The following PIP4K2C variants were observed in gnomAD, a reference collection of about 807,000 sequenced individuals.
The protein encoded by PIP4K2C is phosphatidylinositol 5-phosphate 4-kinase type-2 gamma.
In PIP4K2C, 21 loss-of-function variants were observed where a neutral mutation model predicts 45.0. The ratio of observed to expected loss-of-function variants is 0.47; its 90% CI spans 0.33 to 0.67. The LOEUF is 0.67. Ranked by LOEUF, PIP4K2C falls within the 30% of genes least tolerant of loss-of-function variation. PIP4K2C has a pLI of 0.02. For missense variants in PIP4K2C, 456 were observed against 542.8 expected (o/e 0.84, Z 1.59); for synonymous variants, 201 against 204.8 (o/e 0.98, Z 0.16).
At chr12:57,598,413 C>T (rs1445276919) in intron 4 of PIP4K2C, among the ~76,000 whole-genome samples, 1 of 151,042 alleles carries the variant, frequency 6.6e-6, no homozygotes, top group Non-Finnish European at 1.5e-5. Flanking sequence ...CCCAGCTACT[C>T]GGGAGGCTGA....
At chr12:57,594,413 TTC>T (rs1396975627) in intron 2 of PIP4K2C, among the ~76,000 whole-genome samples, 4 of 152,170 alleles carry the variant, frequency 2.6e-5, no homozygotes, top group Non-Finnish European at 5.9e-5. Context: ...AACCATTAGC[TTC>T]TGACAGGGAC....
At chr12:57,597,923 T>G (rs1255223335) in intron 4 of PIP4K2C, 1 of 152,052 alleles carries the variant, frequency 6.6e-6, no homozygotes, top group Non-Finnish European at 1.5e-5. Flanking sequence ...TGGGGGAGAT[T>G]TCAGAGGAGA....
rs1883333508 is a variant in PIP4K2C at position 57,599,456 on chromosome 12, T to A, written c.699+18T>A. On this transcript the variant is annotated intron_variant, in intron 6 of 9. Coordinates refer to ENST00000354947, the MANE Select transcript of PIP4K2C (RefSeq NM_024779.5). ...AGGAAAAGGTGATAGTAATTTTATGTGCTAGGGTGAGGGATGAGGGATGAG... is the reference window on the plus strand; with the variant it reads ...AGGAAAAGGTGATAGTAATTTTATGAGCTAGGGTGAGGGATGAGGGATGAG... 2 of 1,613,926 alleles carry A rather than the reference T, an allele frequency of 1.2e-6. No homozygotes were observed. The highest frequency in any genetic ancestry group is 1.7e-6 in the Non-Finnish European group (2 of 1,179,976).
chr12:57,600,048 CAAAAAAAAAAA>C (rs56278212), intron 6 of PIP4K2C, among the ~76,000 whole-genome samples: 8 of 139,542 alleles, frequency 5.7e-5, no homozygotes, highest in South Asian at 2.1e-4. Context: ...GATCCTATCT[CAAAAAAAAAAA>C]AAAAAAAAAA....
At chr12:57,596,575 A>G (rs1284184) in intron 4 of PIP4K2C, among the ~76,000 whole-genome samples, 139,594 of 152,026 alleles carry the variant, frequency 0.92, 65,251 homozygotes, top group East Asian at 1. Context: ...CTTCTTGAAC[A>G]TCTCTACTGA....
intron 4 of PIP4K2C, among the ~76,000 whole-genome samples, chr12:57,598,767 T>C (rs1883299964): frequency 1.3e-5 from 2 of 152,096 alleles, no homozygotes; most frequent in South Asian, 4.1e-4. Flanking sequence ...AGAAAGGGTC[T>C]AAAATAAGGA....
Position 57,594,082 on chromosome 12 carries a change from G to A in PIP4K2C, c.232G>A (p.Ala78Thr). Reference sequence around the variant, plus strand: ...GATGCTGCTGCCAGATGACTTTAAGGCCAGCTCCAAGATCAAGGTCAACAA... The same window carrying A: ...GATGCTGCTGCCAGATGACTTTAAGACCAGCTCCAAGATCAAGGTCAACAA... ...PVMLLPDDFK[A>T]SSKIKVNNHL... Residue 78 changes from alanine (A) to threonine (T), a missense_variant, in exon 2 of 10, where the codon GCC becomes ACC. Ala to Thr is a moderately conservative substitution (Grantham distance 58). Transcript: ENST00000354947. The A allele has an allele frequency of 6.2e-7, 1 of 1,613,928 alleles. No homozygotes were observed.
chr12:57,601,670 G>A lies in PIP4K2C; in HGVS notation c.*64G>A. 1 of 1,393,310 alleles carries A rather than the reference G, an allele frequency of 7.2e-7. No individual in the cohort carries two copies. The highest frequency in any genetic ancestry group is 1.0e-6 in the Non-Finnish European group (1 of 979,052). 86.3% of individuals were successfully genotyped at this position (1,393,310 alleles called of 1,614,324 possible). ...GTTCTGAGACACTTGGGGGAATTGT[G>A]GGGATATTCTAGCCACCAGTTCTCT... is the stretch of plus-strand genomic sequence containing the variant. On this transcript the variant is annotated 3_prime_UTR_variant, in exon 10 of 10. Transcript: ENST00000354947.
Position 57,596,112 on chromosome 12 carries a change from A to G in PIP4K2C, c.513+81A>G, listed in dbSNP as rs867131538. On this transcript the variant is annotated intron_variant, in intron 4 of 9. Transcript: ENST00000354947. ...CAGCTATTGTCAGTAATAGATGCCA[A>G]CTGGGGAGAAAACTCATTGGAAGAG... The G allele has an allele frequency of 7.5e-5, 110 of 1,474,016 alleles. 1 individual carries two copies. The highest frequency in any genetic ancestry group is 5.3e-4 in the Middle Eastern group (3 of 5,694). The allele number at this position is 1,474,016 out of a possible 1,614,324, so 91.3% of individuals were successfully genotyped here.
intron 6 of PIP4K2C, among the ~76,000 whole-genome samples, 182 bp from the exon 7 acceptor site, chr12:57,600,142 G>T (rs1883366367): frequency 6.6e-6 from 1 of 152,134 alleles, no homozygotes; most frequent in Non-Finnish European, 1.5e-5. Context: ...ATGTGATTTG[G>T]GATACAGCTG....
intron 5 of PIP4K2C, 84 bp from the exon 6 acceptor site, chr12:57,599,316 G>A: frequency 1.2e-6 from 2 of 1,605,092 alleles, no homozygotes; most frequent in Non-Finnish European, 1.7e-6. Context: ...AAAGAAGGCT[G>A]GGTTTGAGTA....
intron 1 of PIP4K2C, 103 bp from the exon 2 acceptor site, chr12:57,593,922 T>G (rs1248385068): frequency 1.3e-5 from 9 of 701,552 alleles, no homozygotes; most frequent in East Asian, 2.7e-5. Flanking sequence ...TTTAAAGGAA[T>G]GAGGTCTGAG....
At chr12:57,595,424 G>A (rs551223667) in intron 3 of PIP4K2C, among the ~76,000 whole-genome samples, 11 of 152,272 alleles carry the variant, frequency 7.2e-5, no homozygotes, top group Admixed American at 5.2e-4. Flanking sequence ...AAGAATTTTG[G>A]CCAGGCGCTG....
intron 4 of PIP4K2C, among the ~76,000 whole-genome samples, chr12:57,598,375 G>A (rs148656901): frequency 3.2e-3 from 482 of 152,136 alleles, no homozygotes; most frequent in African/African-American, 0.011. Context: ...CAAAAAATTA[G>A]CTGAGCGTGG....
At chr12:57,596,176 G>A in intron 4 of PIP4K2C, 145 bp downstream of exon 4, 1 of 1,055,286 alleles carries the variant, frequency 9.5e-7, no homozygotes, top group Non-Finnish European at 1.4e-6. Flanking sequence ...TGGGATGAGG[G>A]AAGCTATTCT....
chr12:57,591,207 G>A lies in PIP4K2C; in HGVS notation c.-83G>A. On this transcript the variant is annotated 5_prime_UTR_variant, in exon 1 of 10. Coordinates refer to ENST00000354947, the MANE Select transcript of PIP4K2C (RefSeq NM_024779.5). ...TCCGGCCTCCGGTCACGTGACAGCA[G>A]CGCAGGTGAGCGCCGCTTCCGGGGT... 7.1e-7 allele frequency: 1 copy of A among 1,410,750 alleles called. No individual in the cohort carries two copies. The highest frequency in any genetic ancestry group is 9.7e-7 in the Non-Finnish European group (1 of 1,035,012). 87.4% of individuals were successfully genotyped at this position (1,410,750 alleles called of 1,614,324 possible). A position where few individuals can be genotyped will look rare whatever the true frequency, so the allele number is the denominator to read the frequency against.
At chr12:57,595,774 G>C in intron 3 of PIP4K2C, 114 bp from the exon 4 acceptor site, 19 of 1,123,180 alleles carry the variant, frequency 1.7e-5, no homozygotes, top group East Asian at 2.4e-5. Flanking sequence ...ATGAGGAACT[G>C]TGCTGAATCT....
rs1459852828 is a variant in PIP4K2C, at chr12:57,591,257, C to G, written c.-33C>G. 1.9e-6 allele frequency: 3 copies of G among 1,574,946 alleles called. No individual in the cohort carries two copies. Among genetic ancestry groups the G allele is most frequent in the Non-Finnish European group, 2.6e-6 (3 of 1,155,840 alleles). ...TCGGGCGCCTGGATAGCTGCCGGCT[C>G]CGGCTTCCACTTGGTCGGTTGCGCG... On this transcript the variant is annotated 5_prime_UTR_variant, in exon 1 of 10. Coordinates refer to ENST00000354947, the MANE Select transcript of PIP4K2C (RefSeq NM_024779.5).
intron 2 of PIP4K2C, among the ~76,000 whole-genome samples, chr12:57,594,710 C>T (rs1883112995): frequency 1.3e-5 from 2 of 152,160 alleles, no homozygotes; most frequent in African/African-American, 4.8e-5. Context: ...TGGCTCATGC[C>T]TGTAATCCCA....
Sources: gnomAD v4.1 joint callset for allele counts (sites outside exome capture counted in the v4.1 genomes callset) on GRCh38, gnomAD v4.1.1 for gene constraint, MANE v1.5 for transcripts, NCBI Gene and HGNC (gene_info 2026-07-23, HGNC 2026-07-21) for gene names.